CADPS2: variants seen among roughly 807,000 people sequenced by gnomAD.
The protein encoded by CADPS2 is calcium dependent secretion activator 2, also known as calcium-dependent secretion activator 2.
A neutral mutation model predicts 172.5 loss-of-function variants in CADPS2; 93 were observed. That is an observed-to-expected ratio of 0.54 (90% CI 0.46 to 0.64). The LOEUF (loss-of-function observed/expected upper bound fraction) is 0.64, where lower values mean the gene tolerates loss of function less well. Ranked by LOEUF, CADPS2 falls within the 30% of genes least tolerant of loss-of-function variation. The pLI is 0.00. For synonymous variants in CADPS2, 546 were observed against 555.2 expected (o/e 0.98, Z 0.23); for missense variants, 1,420 against 1,565.9 (o/e 0.91, Z 1.57).
At chr7:122,602,428 G>A (rs1452126295) in intron 6 of CADPS2, among the ~76,000 whole-genome samples, 1 of 151,988 alleles carries the variant, frequency 6.6e-6, no homozygotes, top group African/African-American at 2.4e-5. Context: ...CTTTTGCTCT[G>A]AAGCTATACA....
intron 17 of CADPS2, among the ~76,000 whole-genome samples, chr7:122,423,421 T>C (rs1368332484): frequency 6.6e-6 from 1 of 152,168 alleles, no homozygotes; most frequent in African/African-American, 2.4e-5. Flanking sequence ...CTAAAGGAGA[T>C]AGTATACAAC....
chr7:122,676,865 G>T (rs749226379), intron 2 of CADPS2: 12 of 495,554 alleles, frequency 2.4e-5, no homozygotes, highest in African/African-American at 3.9e-5. Flanking sequence ...CACTTTGTGT[G>T]CCCAAAGCCA....
chr7:122,347,485 T>C (rs767257396), intron 27 of CADPS2, among the ~76,000 whole-genome samples: 1 of 152,150 alleles, frequency 6.6e-6, no homozygotes, highest in Non-Finnish European at 1.5e-5. Flanking sequence ...GGTAAATATA[T>C]ACCACATAAA....
At chr7:122,747,189 A>G (rs1043361224) in intron 1 of CADPS2, among the ~76,000 whole-genome samples, 3 of 152,110 alleles carry the variant, frequency 2.0e-5, no homozygotes, top group Non-Finnish European at 4.4e-5. Flanking sequence ...TTCTCATTGC[A>G]ATAGAAAGCC....
At chr7:122,839,381 T>C (rs1005878080) in intron 1 of CADPS2, among the ~76,000 whole-genome samples, 3 of 152,128 alleles carry the variant, frequency 2.0e-5, no homozygotes, top group Non-Finnish European at 2.9e-5. Flanking sequence ...AAGGACTTCA[T>C]GTCTAAAACA....
chr7:122,809,293 G>A (rs979596737), intron 1 of CADPS2, among the ~76,000 whole-genome samples: 1 of 151,976 alleles, frequency 6.6e-6, no homozygotes, highest in African/African-American at 2.4e-5. Context: ...GCCTCAGCCG[G>A]GCGCAGTGGC....
chr7:122,346,502 A>C (rs1048606283), intron 27 of CADPS2, among the ~76,000 whole-genome samples: 1 of 152,232 alleles, frequency 6.6e-6, no homozygotes, highest in African/African-American at 2.4e-5. Flanking sequence ...ATTTTGAAGA[A>C]GATATTGGGG....
intron 13 of CADPS2, among the ~76,000 whole-genome samples, chr7:122,473,270 CCTTA>C (rs2056209254): frequency 6.6e-6 from 1 of 152,210 alleles, no homozygotes; most frequent in Non-Finnish European, 1.5e-5. Flanking sequence ...TGTTTCTGTA[CCTTA>C]CTTCTGTTTT....
At chr7:122,861,517 C>G (rs1816935747) in intron 1 of CADPS2, among the ~76,000 whole-genome samples, 1 of 152,164 alleles carries the variant, frequency 6.6e-6, no homozygotes, top group Admixed American at 6.5e-5. Flanking sequence ...GTCAGATGCA[C>G]AGTTTATAAT....
At chr7:122,854,930 C>A (rs1320703162) in intron 1 of CADPS2, among the ~76,000 whole-genome samples, 3 of 152,072 alleles carry the variant, frequency 2.0e-5, no homozygotes, top group African/African-American at 7.2e-5. Context: ...TTGTGTAAGA[C>A]CTAAAAAATT....
chr7:122,716,496 C>T (rs940204651), intron 2 of CADPS2, among the ~76,000 whole-genome samples: 2 of 151,976 alleles, frequency 1.3e-5, no homozygotes, highest in Admixed American at 1.3e-4. Flanking sequence ...AAGCTCCACA[C>T]AGAAAGGAAC....
intron 27 of CADPS2, among the ~76,000 whole-genome samples, chr7:122,346,592 T>C (rs1215238030): frequency 6.6e-6 from 1 of 152,206 alleles, no homozygotes; most frequent in Non-Finnish European, 1.5e-5. Flanking sequence ...TTTAACAACA[T>C]TATCTGAATA....
intron 2 of CADPS2, among the ~76,000 whole-genome samples, chr7:122,725,489 A>T (rs921350436): frequency 6.6e-6 from 1 of 151,450 alleles, no homozygotes; most frequent in Admixed American, 6.6e-5. Context: ...CTTTTAGTGT[A>T]CCCATCACCC....
At chr7:122,503,077 G>A (rs572926483) in intron 9 of CADPS2, among the ~76,000 whole-genome samples, 1 of 149,180 alleles carries the variant, frequency 6.7e-6, no homozygotes, top group South Asian at 2.1e-4. Flanking sequence ...TGTCGCCCAG[G>A]CTGGAGTGCA....
intron 2 of CADPS2, among the ~76,000 whole-genome samples, chr7:122,679,954 C>T (rs1179376908): frequency 6.6e-6 from 1 of 152,162 alleles, no homozygotes; most frequent in Non-Finnish European, 1.5e-5. Flanking sequence ...TCTTTGCTTC[C>T]AAGTTAAACT....
chr7:122,681,303 C>G, intron 2 of CADPS2: 1 of 1,054,560 alleles, frequency 9.5e-7, no homozygotes, highest in Non-Finnish European at 1.5e-6. Context: ...CTCTCCGGTC[C>G]GTGCCTCCAA....
intron 8 of CADPS2, among the ~76,000 whole-genome samples, chr7:122,550,533 C>A (rs1371164947): frequency 6.6e-6 from 1 of 152,072 alleles, no homozygotes; most frequent in Non-Finnish European, 1.5e-5. Context: ...TTTGTGAAAG[C>A]CAATTTTCTC....
intron 8 of CADPS2, among the ~76,000 whole-genome samples, chr7:122,550,012 A>C (rs2131866262): frequency 6.6e-6 from 1 of 152,254 alleles, no homozygotes; most frequent in South Asian, 2.1e-4. Context: ...ACTTTACTAG[A>C]GTGCAGTCAT....
At chr7:122,789,592 T>G (rs1292924445) in intron 1 of CADPS2, among the ~76,000 whole-genome samples, 1 of 152,122 alleles carries the variant, frequency 6.6e-6, no homozygotes, top group East Asian at 1.9e-4. Context: ...CCACACACAC[T>G]AACAAAATAA....
Sources: allele counts gnomAD v4.1 joint callset (sites outside exome capture counted in the v4.1 genomes callset), GRCh38; gene constraint gnomAD v4.1.1; transcripts MANE v1.5; gene names NCBI Gene and HGNC (gene_info 2026-07-23, HGNC 2026-07-21).